ITIH1: variants seen among roughly 807,000 people sequenced by gnomAD.
ITIH1 encodes inter-alpha-trypsin inhibitor heavy chain H1.
ITIH1 carries 94 observed loss-of-function variants against 104.6 expected under a neutral mutation model. The observed-to-expected ratio is 0.90, with a 90% CI of 0.76 to 1.07. ITIH1 has a LOEUF of 1.07. Among genes scored for constraint, ITIH1 ranks in the 50% least tolerant of loss-of-function variants. ITIH1 has a pLI of 0.00. For missense variants in ITIH1, 1,193 were observed against 1,181.4 expected (o/e 1.01, Z -0.14); for synonymous variants, 455 against 464.4 (o/e 0.98, Z 0.26).
In ITIH1 at chr3:52,784,239, G is replaced by A. The variant is rs183977178; in HGVS notation, c.1226-57G>A. ...AGGGAGTGTTCCCCAGAGCCCCCTC[G>A]TGCCCCACATGCCTGTGGGCCAGCA... On this transcript the variant is annotated intron_variant, in intron 10 of 21. Coordinates refer to ENST00000273283, the MANE Select transcript of ITIH1 (RefSeq NM_002215.4). 3.5e-4 allele frequency: 518 copies of A among 1,469,872 alleles called. 3 individuals are homozygous for A. The Middle Eastern group carries it at 7.0e-3, about 20-fold the overall frequency. The allele number at this position is 1,469,872 out of a possible 1,614,324, so 91.1% of individuals were successfully genotyped here.
In ITIH1 at chr3:52,788,042, C is replaced by G. The variant is rs757611733; in HGVS notation, c.1981C>G (p.Arg661Gly). The change falls in exon 17 of 22, where the codon CGG becomes GGG. Residue 661 changes from arginine to glycine, a missense_variant. Coordinates refer to ENST00000273283, the MANE Select transcript of ITIH1 (RefSeq NM_002215.4). ...SPTHSSSNTQ[R>G]LPDRVTGVDT... ...TACTCATTCCAGCTCCAATACCCAG[C>G]GGCTGCCAGACCGAGTGACCGGCGG... 6.2e-7 allele frequency: 1 copy of G among 1,610,234 alleles called. No homozygotes were observed. The highest frequency in any genetic ancestry group is 1.1e-5 in the South Asian group (1 of 90,446).
Position 52,788,480 on chromosome 3 carries a change from G to A in ITIH1, c.2119+135G>A, listed in dbSNP as rs555585118. The A allele has an allele frequency of 1.8e-4, 119 of 649,456 alleles. 2 individuals are homozygous for A. The highest frequency in any genetic ancestry group is 1.4e-3 in the South Asian group (74 of 53,500). 40.2% of individuals were successfully genotyped at this position (649,456 alleles called of 1,614,324 possible). A position where few individuals can be genotyped will look rare whatever the true frequency, so the allele number is the denominator to read the frequency against. On this transcript the variant is annotated intron_variant, in intron 18 of 21. Transcript: ENST00000273283. Reference sequence around the variant, plus strand: ...CCATCCACCTGGCTGGGCTCTGCCCGCTGCCTTCCCACGCCATCCTCCTGG... The same window carrying A: ...CCATCCACCTGGCTGGGCTCTGCCCACTGCCTTCCCACGCCATCCTCCTGG...
chr3:52,781,210 TCTTCTTC>T (rs1252741193), intron 6 of ITIH1, among the ~76,000 whole-genome samples: 234 of 21,226 alleles, frequency 0.011, 13 homozygotes, highest in Admixed American at 0.018. Context: ...TTTTTTTTTT[TCTTCTTC>T]TTCTTCTTCT....
In ITIH1 at chr3:52,788,260, C is replaced by T. The variant is rs377040137; in HGVS notation, c.2034C>T (p.His678=). The T allele has an allele frequency of 5.6e-6, 9 of 1,611,810 alleles. No homozygotes were observed. Among genetic ancestry groups the T allele is most frequent in the South Asian group, 3.3e-5 (3 of 90,458 alleles). The stretch of plus-strand genomic sequence containing the variant: ...ACACAGACCCTCACTTCATCATCCA[C>T]GTGCCCCAGAAAGAGGACACCCTGT... ...GVDTDPHFII[H]VPQKEDTLCF... Residue 678 remains histidine, a synonymous_variant, in exon 18 of 22, where the codon CAC becomes CAT. Transcript: ENST00000273283.
chr3:52,780,361 G>C lies in ITIH1; in HGVS notation c.666G>C (p.Lys222Asn). 1 of 1,613,884 alleles carries C rather than the reference G, an allele frequency of 6.2e-7. No homozygotes were observed. Among genetic ancestry groups the C allele is most frequent in the Non-Finnish European group, 8.5e-7 (1 of 1,179,876 alleles). The stretch of plus-strand genomic sequence containing the variant: ...AGGAACTGGCAGCCCAAACTATCAA[G>C]AAGTCCTTCTCAGGAAAAAAGGTAC... ...LPKELAAQTI[K>N]KSFSGKKGHV... Residue 222 changes from lysine (K) to asparagine (N), a missense_variant, in exon 6 of 22, where the codon AAG (lysine) becomes AAC (asparagine). By Grantham distance (94) the Lys-to-Asn change is moderately conservative (BLOSUM62 0). Transcript: ENST00000273283.
At chr3:52,785,418 G>A (rs1310231223) in intron 12 of ITIH1, among the ~76,000 whole-genome samples, 189 bp downstream of exon 12, 2 of 152,226 alleles carry the variant, frequency 1.3e-5, no homozygotes, top group African/African-American at 4.8e-5. Flanking sequence ...GGCTGGATTG[G>A]CTGGAATGGG....
chr3:52,791,403 C>A (rs1699351417), intron 20 of ITIH1, 114 bp from the exon 21 acceptor site: 1 of 736,026 alleles, frequency 1.4e-6, no homozygotes, highest in Non-Finnish European at 2.3e-6. Context: ...AACAGTCAAG[C>A]CCTGGAAAAA....
chr3:52,785,680 C>G (rs532344764), intron 12 of ITIH1, among the ~76,000 whole-genome samples: 4 of 152,278 alleles, frequency 2.6e-5, no homozygotes, highest in Admixed American at 1.3e-4. Context: ...AGACAACGCC[C>G]TAAGTGTGGT....
Position 52,781,945 on chromosome 3 carries a change from T to C in ITIH1, c.693T>C (p.His231=), listed in dbSNP as rs1416097352. Residue 231 remains histidine (H), a synonymous_variant, in exon 7 of 22, where the codon CAT becomes CAC. Transcript: ENST00000273283. ...CACACTCTCGACGGTTCCAGGGTCATGTGCTGTTCCGTCCCACCGTGAGCC... is the reference window on the plus strand; with the variant it reads ...CACACTCTCGACGGTTCCAGGGTCACGTGCTGTTCCGTCCCACCGTGAGCC... ...IKKSFSGKKG[H]VLFRPTVSQQ... The C allele has an allele frequency of 6.2e-7, 1 of 1,614,176 alleles. No individual in the cohort carries two copies. The highest frequency in any genetic ancestry group is 1.1e-5 in the South Asian group (1 of 91,084).
In ITIH1 at chr3:52,782,044, A is replaced by C; in HGVS notation, c.792A>C (p.Arg264=). 6.2e-7 allele frequency: 1 copy of C among 1,614,122 alleles called. No individual in the cohort carries two copies. The highest frequency in any genetic ancestry group is 1.7e-5 in the Admixed American group (1 of 59,992). The change falls in exon 7 of 22, where the codon CGA becomes CGC. Residue 264 remains arginine (R), a synonymous_variant. Transcript: ENST00000273283. ...TCAAGGTGACCTACGATGTCAGTCG[A>C]GACAAGATCTGCGACCTCCTGGTGA... is the stretch of plus-strand genomic sequence containing the variant. ...GHFKVTYDVS[R]DKICDLLVAN... is the part of the protein sequence containing the mutation.
intron 11 of ITIH1, 42 bp from the exon 12 acceptor site, chr3:52,785,002 C>T (rs1457221650): frequency 5.0e-6 from 8 of 1,594,682 alleles, no homozygotes; most frequent in Non-Finnish European, 6.9e-6. Context: ...CATTAGGAGC[C>T]CAGGGTGCTC....
At chr3:52,785,412 G>A (rs1559463831) in intron 12 of ITIH1, among the ~76,000 whole-genome samples, 183 bp downstream of exon 12, 1 of 152,208 alleles carries the variant, frequency 6.6e-6, no homozygotes, top group East Asian at 1.9e-4. Flanking sequence ...CCTGGGGGCT[G>A]GATTGGCTGG....
chr3:52,778,923 TGTCCTTCCCTCCCTGCA>T lies in ITIH1; in HGVS notation c.306-16_306del. The T allele has an allele frequency of 6.4e-6, 10 of 1,561,078 alleles. No individual in the cohort carries two copies. Among genetic ancestry groups the T allele is most frequent in the Non-Finnish European group, 8.8e-6 (10 of 1,131,710 alleles). On this transcript the variant is annotated splice_acceptor_variant and splice_polypyrimidine_tract_variant and intron_variant, in intron 3 of 21. Transcript: ENST00000273283. LOFTEE classifies it high-confidence loss of function. ...TCAGGAGGCTCATCTTTCCTGAGGGTGTCCTTCCCTCCCTGCAGTACAGCAGATGGAAACGCATTTAT... is the reference window on the plus strand; with the variant it reads ...TCAGGAGGCTCATCTTTCCTGAGGGTGTACAGCAGATGGAAACGCATTTAT...
chr3:52,785,776 G>A (rs548715106), intron 12 of ITIH1, among the ~76,000 whole-genome samples: 1 of 152,310 alleles, frequency 6.6e-6, no homozygotes, highest in East Asian at 1.9e-4. Context: ...CTTGGGCAAG[G>A]GGTCCAGTTC....
chr3:52,790,777 A>T lies in ITIH1; in HGVS notation c.2350A>T (p.Asn784Tyr), dbSNP rs373011766. The change falls in exon 20 of 22, where the codon AAC becomes TAC. Residue 784 changes from asparagine to tyrosine, a missense_variant. By Grantham distance (143) the Asn-to-Tyr change is moderately radical. Transcript: ENST00000273283. ...GVVVTINKKR[N>Y]LVVSVDDGGT... The stretch of plus-strand genomic sequence containing the variant: ...GGTGGTGACCATCAACAAGAAGAGG[A>T]ACCTGGTGGTGTCTGTGGACGACGG... 1 of 1,612,598 alleles carries T rather than the reference A, an allele frequency of 6.2e-7. No individual in the cohort carries two copies. The highest frequency in any genetic ancestry group is 1.3e-5 in the African/African-American group (1 of 74,932).
At position 52,787,206 on chromosome 3, in the gene ITIH1, A is replaced by G. The variant is rs1271319593; in HGVS notation, c.1903+4A>G. On this transcript the variant is annotated splice_donor_region_variant and intron_variant, in intron 15 of 21. Coordinates refer to ENST00000273283, the MANE Select transcript of ITIH1 (RefSeq NM_002215.4). The stretch of plus-strand genomic sequence containing the variant: ...CTTCCAGATTCTCCGCCTTTGGGTG[A>G]GTTTTAAATTGCATTAGTTTCAGTT... 6.2e-7 allele frequency: 1 copy of G among 1,613,676 alleles called. No individual in the cohort carries two copies. Among genetic ancestry groups the G allele is most frequent in the Non-Finnish European group, 8.5e-7 (1 of 1,180,010 alleles).
chr3:52,783,315 T>C lies in ITIH1; in HGVS notation c.1201T>C (p.Leu401=), dbSNP rs1285949592. ...CAACCATGCCTCAATACTCATCATG[T>C]TGACAGATGGCGATCCCACAGAGGG... ...LSNHASILIM[L]TDGDPTEGVT... is the part of the protein sequence containing the mutation. The change falls in exon 10 of 22, where the codon TTG becomes CTG. Residue 401 remains leucine, a synonymous_variant. Coordinates refer to ENST00000273283, the MANE Select transcript of ITIH1 (RefSeq NM_002215.4). 6.2e-7 allele frequency: 1 copy of C among 1,614,042 alleles called. No homozygotes were observed. Among genetic ancestry groups the C allele is most frequent in the African/African-American group, 1.3e-5 (1 of 75,024 alleles).
intron 10 of ITIH1, 57 bp downstream of exon 10, chr3:52,783,396 G>A: frequency 1.3e-6 from 2 of 1,577,550 alleles, no homozygotes; most frequent in Non-Finnish European, 1.7e-6. Context: ...CCCGAGACAT[G>A]CAAGCTGAAG....
intron 6 of ITIH1, 47 bp downstream of exon 6, chr3:52,780,429 T>G (rs748641202): frequency 3.8e-6 from 5 of 1,312,118 alleles, no homozygotes; most frequent in Non-Finnish European, 5.5e-6. Context: ...TGGAGACTTC[T>G]CAGCCTGCCC....
Sources: allele counts gnomAD v4.1 joint callset (sites outside exome capture counted in the v4.1 genomes callset), GRCh38; gene constraint gnomAD v4.1.1; transcripts MANE v1.5; gene names NCBI Gene and HGNC (gene_info 2026-07-23, HGNC 2026-07-21).